ERC2: variants seen among roughly 807,000 people sequenced by gnomAD.
The protein encoded by ERC2 is ELKS/RAB6-interacting/CAST family member 2.
In ERC2, 42 loss-of-function variants were observed where a neutral mutation model predicts 114.8. The ratio of observed to expected loss-of-function variants is 0.37; its 90% CI spans 0.29 to 0.47. ERC2 has a LOEUF of 0.47. ERC2 is among the 20% of genes least tolerant of loss of function. ERC2 has a pLI of 0.99. For missense variants in ERC2, 939 were observed against 1,150.7 expected (o/e 0.82, Z 2.66); for synonymous variants, 454 against 425.5 (o/e 1.07, Z -0.82).
At chr3:55,860,985 G>C (rs551424067) in intron 14 of ERC2, among the ~76,000 whole-genome samples, 1 of 152,278 alleles carries the variant, frequency 6.6e-6, no homozygotes, top group South Asian at 2.1e-4. Flanking sequence ...TGACATTTTA[G>C]AAGCAAAAAC....
At chr3:56,429,455 G>A (rs2061702991) in intron 2 of ERC2, among the ~76,000 whole-genome samples, 1 of 152,150 alleles carries the variant, frequency 6.6e-6, no homozygotes, top group South Asian at 2.1e-4. Flanking sequence ...CAAAGAATCA[G>A]CTGTCCATAA....
intron 1 of ERC2, among the ~76,000 whole-genome samples, chr3:56,440,796 CT>C (rs1273928039): frequency 6.6e-6 from 1 of 152,024 alleles, no homozygotes; most frequent in Non-Finnish European, 1.5e-5. Flanking sequence ...TTGTATTTTC[CT>C]TTTTCTCCAT....
intron 3 of ERC2, among the ~76,000 whole-genome samples, chr3:56,178,011 G>T (rs1293159897): frequency 6.6e-6 from 1 of 152,148 alleles, no homozygotes; most frequent in East Asian, 1.9e-4. Context: ...TCATGACAAG[G>T]TTGGCTTTAG....
intron 14 of ERC2, among the ~76,000 whole-genome samples, chr3:55,880,285 G>T (rs2063056470): frequency 6.6e-6 from 1 of 152,180 alleles, no homozygotes; most frequent in South Asian, 2.1e-4. Flanking sequence ...GGGGTTTTCT[G>T]ATTCTTGCAT....
chr3:56,215,046 T>G (rs1317522260), intron 3 of ERC2, among the ~76,000 whole-genome samples: 1 of 152,082 alleles, frequency 6.6e-6, no homozygotes, highest in African/African-American at 2.4e-5. Context: ...ACATGCCAAA[T>G]TGTAAAGACC....
intron 13 of ERC2, among the ~76,000 whole-genome samples, chr3:55,931,089 A>G (rs1365782503): frequency 6.6e-6 from 1 of 152,230 alleles, no homozygotes; most frequent in Non-Finnish European, 1.5e-5. Flanking sequence ...GATCATTAAA[A>G]AGTCAGGAAA....
At chr3:56,036,345 C>T (rs753837434) in intron 7 of ERC2, among the ~76,000 whole-genome samples, 10 of 152,006 alleles carry the variant, frequency 6.6e-5, no homozygotes, top group Non-Finnish European at 1.5e-4. Context: ...TAGTACCTGG[C>T]GCCTTCTTTT....
intron 2 of ERC2, among the ~76,000 whole-genome samples, chr3:56,369,503 C>T (rs79184959): frequency 0.061 from 9,304 of 152,268 alleles, 410 homozygotes; most frequent in African/African-American, 0.11. Flanking sequence ...AGACTCTAGT[C>T]CCACATTTGA....
chr3:56,028,937 G>GT (rs927131737), intron 7 of ERC2, among the ~76,000 whole-genome samples: 2 of 152,002 alleles, frequency 1.3e-5, no homozygotes, highest in African/African-American at 4.8e-5. Flanking sequence ...TTCGCTATAG[G>GT]TTTTTTGTAA....
chr3:56,244,000 C>T (rs1213040233), intron 3 of ERC2, among the ~76,000 whole-genome samples: 1 of 152,138 alleles, frequency 6.6e-6, no homozygotes, highest in Non-Finnish European at 1.5e-5. Context: ...CCTGGGATGC[C>T]TCGCCAAAGA....
chr3:55,660,827 A>G (rs1480559692), intron 17 of ERC2, among the ~76,000 whole-genome samples: 3 of 152,210 alleles, frequency 2.0e-5, no homozygotes, highest in Non-Finnish European at 2.9e-5. Context: ...GTGAGCCTCA[A>G]TCAGGTCCCT....
intron 17 of ERC2, among the ~76,000 whole-genome samples, chr3:55,628,502 A>G (rs1055017374): frequency 6.6e-6 from 1 of 152,092 alleles, no homozygotes; most frequent in Non-Finnish European, 1.5e-5. Flanking sequence ...GCTATTTTCT[A>G]TTTACTTATG....
intron 12 of ERC2, among the ~76,000 whole-genome samples, chr3:55,981,083 T>C (rs1183719109): frequency 1.3e-5 from 2 of 152,248 alleles, no homozygotes; most frequent in African/African-American, 4.8e-5. Flanking sequence ...AAGGCTAGGA[T>C]CGGAAAGGTG....
intron 12 of ERC2, 127 bp from the exon 13 acceptor site, chr3:55,950,687 G>A: frequency 9.8e-7 from 1 of 1,022,522 alleles, no homozygotes; most frequent in Non-Finnish European, 1.4e-6. Context: ...TGATACTTCT[G>A]AATAATCCAT....
chr3:55,570,909 C>T (rs908064305), intron 17 of ERC2, among the ~76,000 whole-genome samples: 5 of 151,954 alleles, frequency 3.3e-5, no homozygotes, highest in African/African-American at 2.4e-5. Flanking sequence ...GGGCGGATCA[C>T]GAGGTCAAGA....
chr3:56,415,560 C>G (rs933617694), intron 2 of ERC2, among the ~76,000 whole-genome samples: 1 of 152,240 alleles, frequency 6.6e-6, no homozygotes, highest in South Asian at 2.1e-4. Flanking sequence ...TTGGAATCCA[C>G]AGGTAAAACC....
intron 14 of ERC2, among the ~76,000 whole-genome samples, chr3:55,776,276 T>C (rs1297018843): frequency 6.6e-6 from 1 of 152,042 alleles, no homozygotes. Flanking sequence ...AGCGGGTCTG[T>C]CTGCACACCA....
intron 2 of ERC2, among the ~76,000 whole-genome samples, chr3:56,412,688 G>A (rs1300489516): frequency 6.6e-6 from 1 of 152,152 alleles, no homozygotes; most frequent in Non-Finnish European, 1.5e-5. Flanking sequence ...TTTGTGAGCT[G>A]TATACCTCAA....
intron 3 of ERC2, among the ~76,000 whole-genome samples, chr3:56,269,691 C>T (rs1160385369): frequency 6.6e-6 from 1 of 152,168 alleles, no homozygotes; most frequent in Non-Finnish European, 1.5e-5. Context: ...GCACCCACCC[C>T]TTCACAGGAA....
Sources: allele counts gnomAD v4.1 joint callset (sites outside exome capture counted in the v4.1 genomes callset), GRCh38; gene constraint gnomAD v4.1.1; transcripts MANE v1.5; gene names NCBI Gene and HGNC (gene_info 2026-07-23, HGNC 2026-07-21).